PRKCH: variants seen among roughly 807,000 people sequenced by gnomAD.
PRKCH encodes the protein protein kinase C eta type.
PRKCH carries 28 observed loss-of-function variants against 82.5 expected under a neutral mutation model. The observed-to-expected ratio is 0.34, with a 90% CI of 0.25 to 0.47. The LOEUF (loss-of-function observed/expected upper bound fraction) is 0.47. Ranked by LOEUF, PRKCH falls within the 20% of genes least tolerant of loss-of-function variation. The pLI, the probability that PRKCH is intolerant of heterozygous loss-of-function variation, is 1.00. For missense variants in PRKCH, 705 were observed against 881.8 expected (o/e 0.80, Z 2.54); for synonymous variants, 322 against 327.4 (o/e 0.98, Z 0.18).
At chr14:61,351,199 A>C (rs1005983863) in intron 1 of PRKCH, among the ~76,000 whole-genome samples, 1 of 152,234 alleles carries the variant, frequency 6.6e-6, no homozygotes, top group African/African-American at 2.4e-5. Flanking sequence ...CCATAGCATC[A>C]GGTGTGCTGA....
In PRKCH at chr14:61,410,650, C is replaced by T. The variant is rs141518405; in HGVS notation, c.427+19362C>T. ...TGGCTAAATTACTCCTTCTGCAGTC[C>T]CCAGCATATTATTGGATGCTCTTTT... On this transcript the variant is annotated intron_variant, in intron 2 of 13. Coordinates refer to ENST00000332981, the MANE Select transcript of PRKCH (RefSeq NM_006255.5). 3.9e-3 allele frequency among the ~76,000 whole-genome samples: 596 copies of T among 152,260 alleles called. 10 individuals carry two copies. Among genetic ancestry groups the T allele is most frequent in the African/African-American group, 0.014 (573 of 41,544 alleles).
upstream of PRKCH, among the ~76,000 whole-genome samples, chr14:61,320,186 A>T (rs549419626): frequency 6.6e-6 from 1 of 152,144 alleles, no homozygotes; most frequent in Non-Finnish European, 1.5e-5. Flanking sequence ...AGCAAAACCC[A>T]GTCTCTAAAA....
chr14:61,454,231 G>A (rs372269688), intron 7 of PRKCH, among the ~76,000 whole-genome samples: 1 of 151,896 alleles, frequency 6.6e-6, no homozygotes, highest in Admixed American at 6.6e-5. Context: ...AGCCTCCCGA[G>A]CAGCTGGAAT....
intron 1 of PRKCH, among the ~76,000 whole-genome samples, chr14:61,249,944 A>G (rs2044927593): frequency 6.6e-6 from 1 of 151,388 alleles, no homozygotes; most frequent in African/African-American, 2.4e-5. Flanking sequence ...ACCCAAATGT[A>G]TTGAAAACTT....
chr14:61,480,411 G>A (rs893901878), intron 9 of PRKCH, among the ~76,000 whole-genome samples: 6 of 152,232 alleles, frequency 3.9e-5, no homozygotes, highest in Non-Finnish European at 7.3e-5. Context: ...AGCACAGACT[G>A]AGAGTAGAGC....
intron 1 of PRKCH, among the ~76,000 whole-genome samples, chr14:61,195,173 T>C (rs547332303): frequency 1.4e-5 from 2 of 145,462 alleles, no homozygotes; most frequent in Non-Finnish European, 3.1e-5. Flanking sequence ...TGCTTTAGTA[T>C]ATCTTTTACA....
intron 1 of PRKCH, among the ~76,000 whole-genome samples, chr14:61,201,528 C>T (rs2044481568): frequency 6.6e-6 from 1 of 151,884 alleles, no homozygotes; most frequent in South Asian, 2.1e-4. Context: ...ATTATAATAA[C>T]AAGAGAATAT....
chr14:61,263,846 A>ATT (rs1309672219), intron 1 of PRKCH, among the ~76,000 whole-genome samples: 2 of 123,370 alleles, frequency 1.6e-5, no homozygotes, highest in African/African-American at 6.3e-5. Context: ...AAGTCAGAGT[A>ATT]TTGTGTGTGT....
At chr14:61,191,127 T>C (rs888345448) in intron 1 of PRKCH, among the ~76,000 whole-genome samples, 3 of 152,136 alleles carry the variant, frequency 2.0e-5, no homozygotes, top group Non-Finnish European at 2.9e-5. Flanking sequence ...TGGGTGAATA[T>C]AATTCTGCAC....
chr14:61,271,674 T>C (rs1446260053), intron 1 of PRKCH, among the ~76,000 whole-genome samples: 1 of 152,192 alleles, frequency 6.6e-6, no homozygotes, highest in Non-Finnish European at 1.5e-5. Context: ...TATTAGCACC[T>C]ACTTCATAGG....
intron 1 of PRKCH, among the ~76,000 whole-genome samples, chr14:61,381,259 G>A (rs940086917): frequency 2.6e-5 from 4 of 152,132 alleles, no homozygotes; most frequent in African/African-American, 9.7e-5. Flanking sequence ...CCTCACATAG[G>A]ATCCGGATTG....
intron 1 of PRKCH, among the ~76,000 whole-genome samples, chr14:61,336,626 A>G (rs2045860465): frequency 6.6e-6 from 1 of 152,246 alleles, no homozygotes; most frequent in Non-Finnish European, 1.5e-5. Context: ...GAGTACTTTT[A>G]TTGCTGTAAT....
intron 9 of PRKCH, among the ~76,000 whole-genome samples, chr14:61,473,460 C>A (rs1230537620): frequency 6.6e-6 from 1 of 152,132 alleles, no homozygotes; most frequent in African/African-American, 2.4e-5. Context: ...AACTTGCCTG[C>A]CCCAAGGCAG....
chr14:61,475,404 T>G (rs546688248), intron 9 of PRKCH, among the ~76,000 whole-genome samples: 2 of 152,366 alleles, frequency 1.3e-5, no homozygotes, highest in African/African-American at 2.4e-5. Flanking sequence ...AGGAGGTTTG[T>G]TCAAACGTTC....
intron 9 of PRKCH, among the ~76,000 whole-genome samples, chr14:61,474,414 A>G (rs1236160141): frequency 6.6e-6 from 1 of 152,176 alleles, no homozygotes; most frequent in Admixed American, 6.5e-5. Flanking sequence ...AAGGTCTGCA[A>G]CTTTCTTCCT....
intron 1 of PRKCH, among the ~76,000 whole-genome samples, chr14:61,297,245 C>T (rs1029643703): frequency 1.3e-5 from 2 of 152,154 alleles, no homozygotes; most frequent in Non-Finnish European, 2.9e-5. Context: ...TTTTATTTTT[C>T]ATATAAAATT....
chr14:61,539,921 C>G (rs1436552094), intron 12 of PRKCH, among the ~76,000 whole-genome samples: 1 of 152,222 alleles, frequency 6.6e-6, no homozygotes. Context: ...AGTATTACAA[C>G]CACATTACGT....
chr14:61,464,694 A>G (rs1248112865), intron 9 of PRKCH, among the ~76,000 whole-genome samples: 1 of 152,182 alleles, frequency 6.6e-6, no homozygotes, highest in Non-Finnish European at 1.5e-5. Flanking sequence ...AGCTTCATCC[A>G]TGTCCCTGCA....
chr14:61,380,136 G>A (rs1019741552), intron 1 of PRKCH, among the ~76,000 whole-genome samples: 2 of 152,070 alleles, frequency 1.3e-5, no homozygotes, highest in African/African-American at 4.8e-5. Context: ...GTGGTTCATT[G>A]CAGCCTTGAC....
Sources: gnomAD v4.1 joint callset for allele counts (sites outside exome capture counted in the v4.1 genomes callset) on GRCh38, gnomAD v4.1.1 for gene constraint, MANE v1.5 for transcripts, NCBI Gene and HGNC (gene_info 2026-07-23, HGNC 2026-07-21) for gene names.